ABCB4: variants seen among roughly 807,000 people sequenced by gnomAD.
ABCB4 encodes ATP binding cassette subfamily B member 4.
In ABCB4, 76 loss-of-function variants were observed where a neutral mutation model predicts 145.7. The ratio of observed to expected loss-of-function variants is 0.52; its 90% confidence interval spans 0.43 to 0.63. ABCB4 has a LOEUF of 0.63. Among genes scored for constraint, ABCB4 ranks in the 30% least tolerant of loss-of-function variants. The pLI is 0.00. For missense variants in ABCB4, 1,234 were observed against 1,553.1 expected (o/e 0.79, Z 3.45); for synonymous variants, 517 against 566.8 (o/e 0.91, Z 1.25).
At position 87,468,744 on chromosome 7, in the gene ABCB4, A is replaced by T. The variant is rs1233573400; in HGVS notation, c.135+3877T>A. 2.0e-5 allele frequency among the ~76,000 whole-genome samples: 3 copies of T among 151,940 alleles called. No individual in the cohort carries two copies. The East Asian group carries it at 5.8e-4, about 29-fold the overall frequency. ...TCAAGAGATCAAGACCATCCTGGCT[A>T]ACATGGTGAAACCCTGTCTCTACTA... On this transcript the variant is annotated intron_variant, in intron 3 of 27. Coordinates refer to ENST00000649586, the MANE Select transcript of ABCB4 (RefSeq NM_000443.4).
In ABCB4 at chr7:87,449,975, G is replaced by C; in HGVS notation, c.826C>G (p.Leu276Val). 1 of 1,614,092 alleles carries C rather than the reference G, an allele frequency of 6.2e-7. No homozygotes were observed. Among genetic ancestry groups the C allele is most frequent in the Non-Finnish European group, 8.5e-7 (1 of 1,179,994 alleles). ...CTAAAGAACCTTCCTGACCTTTCCAGCTCTTTGTTCTGGCCCCCGAAAGCT... is the reference window on the plus strand; with the variant it reads ...CTAAAGAACCTTCCTGACCTTTCCACCTCTTTGTTCTGGCCCCCGAAAGCT... ...VIAFGGQNKE[L>V]ERYQKHLENA... Residue 276 changes from leucine to valine, a missense_variant, in exon 8 of 28, where the codon CTG becomes GTG. This residue lies in a region of ABCB4 where 467 missense variants were observed against 632.8 expected (regional missense o/e 0.74). Coordinates refer to ENST00000649586, the MANE Select transcript of ABCB4 (RefSeq NM_000443.4).
intron 3 of ABCB4, among the ~76,000 whole-genome samples, chr7:87,467,846 A>G (rs1437905061): frequency 6.6e-6 from 1 of 152,230 alleles, no homozygotes; most frequent in Non-Finnish European, 1.5e-5. Context: ...TTTGAAACCA[A>G]TGAGAACAAA....
chr7:87,438,890 G>C (rs1424397673), intron 14 of ABCB4, among the ~76,000 whole-genome samples: 1 of 152,178 alleles, frequency 6.6e-6, no homozygotes, highest in Non-Finnish European at 1.5e-5. Context: ...CGTGCAGCTT[G>C]TCTCTTAAAT....
intron 21 of ABCB4, among the ~76,000 whole-genome samples, chr7:87,416,687 T>G (rs985318968): frequency 6.6e-6 from 1 of 152,196 alleles, no homozygotes; most frequent in Non-Finnish European, 1.5e-5. Context: ...ATCTCTAACT[T>G]CTGTTTGAAT....
chr7:87,452,875 C>A (rs553982608), intron 6 of ABCB4, 69 bp downstream of exon 6: 3 of 1,527,804 alleles, frequency 2.0e-6, no homozygotes, highest in African/African-American at 1.4e-5. Flanking sequence ...CATTTAAAAT[C>A]TTTCCTTGAC....
At chr7:87,366,182 G>A in the ABCB4 span, among the ~76,000 whole-genome samples, 1 of 152,082 alleles carries the variant, frequency 6.6e-6, no homozygotes, top group East Asian at 1.9e-4. Flanking sequence ...TCTAAAAGAT[G>A]TTACTAAAGC....
At chr7:87,384,859 G>A in the ABCB4 span, among the ~76,000 whole-genome samples, 1 of 152,150 alleles carries the variant, frequency 6.6e-6, no homozygotes, top group Admixed American at 6.5e-5. Context: ...TTATATTTAA[G>A]CCTTTAATCC....
In ABCB4 at chr7:87,418,961, T is replaced by C. The variant is rs564872402; in HGVS notation, c.2395-341A>G. Reference sequence around the variant, plus strand: ...CACTATGGACACTTCTGCCCTGATATGGTGTTGTCTCTCATAAAGGGTGGT... The same window carrying C: ...CACTATGGACACTTCTGCCCTGATACGGTGTTGTCTCTCATAAAGGGTGGT... On this transcript the variant is annotated intron_variant, in intron 19 of 27. Transcript: ENST00000649586. Among the ~76,000 whole-genome samples, 27 of 152,320 alleles carry C rather than the reference T, an allele frequency of 1.8e-4. No homozygotes were observed. In the South Asian group the frequency reaches 5.6e-3, roughly 32 times the overall value.
intron 14 of ABCB4, among the ~76,000 whole-genome samples, chr7:87,433,782 C>T (rs911558830): frequency 6.6e-6 from 1 of 150,492 alleles, no homozygotes; most frequent in African/African-American, 2.5e-5. Flanking sequence ...AAATTTAGAC[C>T]TTTGACTAAT....
chr7:87,389,821 T>A, the ABCB4 span, among the ~76,000 whole-genome samples: 1 of 71,360 alleles, frequency 1.4e-5, no homozygotes, highest in African/African-American at 3.1e-5. Context: ...AAATCCAGTT[T>A]TTGTTGTTGT....
At chr7:87,461,165 G>A (rs45446703) in intron 4 of ABCB4, among the ~76,000 whole-genome samples, 4,436 of 152,004 alleles carry the variant, frequency 0.029, 227 homozygotes, top group African/African-American at 0.1. Flanking sequence ...GGCTGGTCTC[G>A]AACTCCCAAA....
chr7:87,460,017 T>A (rs941118883), intron 4 of ABCB4, among the ~76,000 whole-genome samples: 1 of 151,736 alleles, frequency 6.6e-6, no homozygotes, highest in Non-Finnish European at 1.5e-5. Context: ...TTTCTTTGAT[T>A]TTTTTTTTCC....
At chr7:87,405,164 G>A (rs904009777) in intron 26 of ABCB4, among the ~76,000 whole-genome samples, 1 of 152,212 alleles carries the variant, frequency 6.6e-6, no homozygotes, top group Admixed American at 6.5e-5. Context: ...CATCCACACT[G>A]TGGAATATCA....
chr7:87,464,130 C>A, intron 3 of ABCB4, among the ~76,000 whole-genome samples: 1 of 152,144 alleles, frequency 6.6e-6, no homozygotes, highest in East Asian at 1.9e-4. Context: ...AGGCTTGGCA[C>A]AGTGGAGCCT....
chr7:87,439,858 C>A, intron 13 of ABCB4, 21 bp from the exon 14 acceptor site: 1 of 1,614,160 alleles, frequency 6.2e-7, no homozygotes, highest in Non-Finnish European at 8.5e-7. Context: ...AAACATGGAT[C>A]AGCTCTTGAA....
intron 3 of ABCB4, among the ~76,000 whole-genome samples, chr7:87,465,317 G>A (rs1265488218): frequency 1.3e-5 from 2 of 152,182 alleles, no homozygotes; most frequent in East Asian, 1.9e-4. Flanking sequence ...AGGTGGCAGC[G>A]AGGCTGGGGG....
At chr7:87,430,328 T>C (rs1810126042) in intron 15 of ABCB4, among the ~76,000 whole-genome samples, 1 of 152,224 alleles carries the variant, frequency 6.6e-6, no homozygotes. Flanking sequence ...AATATGTGTG[T>C]ACATGCTAAT....
intron 12 of ABCB4, among the ~76,000 whole-genome samples, chr7:87,441,387 C>T (rs927159937): frequency 3.3e-5 from 5 of 150,920 alleles, no homozygotes; most frequent in Non-Finnish European, 7.4e-5. Flanking sequence ...TAGCTTATAT[C>T]TGTTTTCATT....
the ABCB4 span, chr7:87,375,207 G>A: frequency 6.3e-6 from 1 of 157,740 alleles, no homozygotes; most frequent in Non-Finnish European, 1.4e-5. Flanking sequence ...TATACAGTAA[G>A]TCCTCTGGTT....
Sources: gnomAD v4.1 joint callset for allele counts (sites outside exome capture counted in the v4.1 genomes callset) on GRCh38, gnomAD v4.1.1 for gene constraint, gnomAD v4.1.1 regional missense constraint, MANE v1.5 for transcripts, NCBI Gene and HGNC (gene_info 2026-07-23, HGNC 2026-07-21) for gene names.